The following RAD51 variants were observed in gnomAD, a reference collection of about 807,000 sequenced individuals.
The protein encoded by RAD51 is DNA repair protein RAD51 homolog 1.
Under a neutral mutation model 41.5 loss-of-function variants are expected in RAD51, and 14 were observed. That is an observed-to-expected ratio of 0.34 (90% CI 0.22 to 0.53). The LOEUF is 0.53. Ranked by LOEUF, RAD51 falls within the 20% of genes least tolerant of loss-of-function variation. The pLI is 0.95. For synonymous variants in RAD51, 136 were observed against 148.6 expected, an observed-to-expected ratio of 0.92 and a Z score of 0.62; for missense variants, 234 against 422.0, an observed-to-expected ratio of 0.55 and a Z score of 3.90.
intron 3 of RAD51, 145 bp downstream of exon 3, chr15:40,701,346 C>A: frequency 3.3e-5 from 23 of 693,098 alleles, no homozygotes; most frequent in Non-Finnish European, 4.7e-5. Flanking sequence ...TTCTTTTCTT[C>A]TTTTCTTTTC....
At chr15:40,712,744 T>C (rs1028108879) in intron 5 of RAD51, among the ~76,000 whole-genome samples, 4 of 152,166 alleles carry the variant, frequency 2.6e-5, no homozygotes, top group African/African-American at 9.7e-5. Flanking sequence ...ACTTCTGCCA[T>C]GGGCACAACT....
Position 40,695,263 on chromosome 15 carries a change from A to G in RAD51, c.-165A>G, listed in dbSNP as rs1894539745. The G allele has an allele frequency of 6.6e-6, 1 of 152,254 alleles. No individual in the cohort carries two copies. The highest frequency in any genetic ancestry group is 2.4e-5 in the African/African-American group (1 of 41,422). 9.4% of individuals were successfully genotyped at this position (152,254 alleles called of 1,614,324 possible). ...CGCTTCCCGAGGCGTGCAGCTGGGA[A>G]CTGCAACTCATCTGGGTTGTGCGCA... On this transcript the variant is annotated 5_prime_UTR_variant, in exon 1 of 10. Transcript: ENST00000267868.
chr15:40,731,725 T>G lies in RAD51; in HGVS notation c.*547T>G, dbSNP rs569462838. On this transcript the variant is annotated 3_prime_UTR_variant, in exon 10 of 10. Coordinates refer to ENST00000267868, the MANE Select transcript of RAD51 (RefSeq NM_002875.5). The stretch of plus-strand genomic sequence containing the variant: ...GCCAAACCTACTAGGCCATTAGCCC[T>G]TCACCATCTACCTGCTTGGTCTTTC... 4.4e-6 allele frequency: 1 copy of G among 225,984 alleles called. No homozygotes were observed. The highest frequency in any genetic ancestry group is 8.8e-6 in the Non-Finnish European group (1 of 113,094). The allele number at this position is 225,984 out of a possible 1,614,324, so 14.0% of individuals were successfully genotyped here.
At chr15:40,715,262 A>G (rs1895928584) in intron 5 of RAD51, among the ~76,000 whole-genome samples, 1 of 152,102 alleles carries the variant, frequency 6.6e-6, no homozygotes, top group Non-Finnish European at 1.5e-5. Context: ...AGGCTGAGGC[A>G]GAGAATTGCT....
At chr15:40,701,847 G>C (rs1895021625) in intron 3 of RAD51, 1 of 347,386 alleles carries the variant, frequency 2.9e-6, no homozygotes, top group Non-Finnish European at 5.5e-6. Flanking sequence ...GCAATAGCGT[G>C]ATCTTGGTCT....
Position 40,729,948 on chromosome 15 carries a change from T to C in RAD51, c.870T>C (p.Asn290=), listed in dbSNP as rs1334407917. The C allele has an allele frequency of 1.9e-6, 3 of 1,614,110 alleles. No individual in the cohort carries two copies. Among genetic ancestry groups the C allele is most frequent in the Admixed American group, 1.7e-5 (1 of 60,006 alleles). ...AADPKKPIGG[N]IIAHASTTRL... ...ATCCCAAAAAACCTATTGGAGGAAA[T>C]ATCATCGCCCATGCATCAACAACCA... Residue 290 remains asparagine (N), a synonymous_variant, in exon 9 of 10, where the codon AAT becomes AAC. Coordinates refer to ENST00000267868, the MANE Select transcript of RAD51 (RefSeq NM_002875.5).
intron 1 of RAD51, among the ~76,000 whole-genome samples, chr15:40,697,134 C>G (rs934775788): frequency 6.6e-6 from 1 of 152,086 alleles, no homozygotes; most frequent in East Asian, 1.9e-4. Flanking sequence ...GAGTTTGGCT[C>G]TTGTTGCCCA....
intron 6 of RAD51, among the ~76,000 whole-genome samples, chr15:40,728,373 C>T (rs760705643): frequency 6.6e-5 from 10 of 151,862 alleles, no homozygotes; most frequent in Admixed American, 1.3e-4. Context: ...AGGAGAATCG[C>T]GTGAACCCAG....
At chr15:40,711,902 C>T (rs1216013558) in intron 5 of RAD51, among the ~76,000 whole-genome samples, 1 of 151,788 alleles carries the variant, frequency 6.6e-6, no homozygotes, top group African/African-American at 2.4e-5. Context: ...TGGCAAGACC[C>T]TATCTCTACA....
At chr15:40,721,511 T>A (rs942966183) in intron 6 of RAD51, among the ~76,000 whole-genome samples, 6 of 152,252 alleles carry the variant, frequency 3.9e-5, no homozygotes, top group African/African-American at 9.6e-5. Context: ...TTTTAAAATT[T>A]AAAATTTTTT....
intron 4 of RAD51, among the ~76,000 whole-genome samples, chr15:40,707,636 A>G (rs1410643442): frequency 6.6e-6 from 1 of 151,918 alleles, no homozygotes; most frequent in Non-Finnish European, 1.5e-5. Context: ...TATCAGTGCT[A>G]TACTATCATT....
chr15:40,729,621 G>A lies in RAD51; in HGVS notation c.761G>A (p.Arg254Gln), dbSNP rs371150683. The A allele has an allele frequency of 1.9e-6, 3 of 1,613,872 alleles. No homozygotes were observed. The highest frequency in any genetic ancestry group is 1.7e-6 in the Non-Finnish European group (2 of 1,180,018). Residue 254 changes from arginine to glutamine, a missense_variant, in exon 8 of 10, where the codon CGA (arginine) becomes CAA (glutamine). By Grantham distance (43) the Arg-to-Gln change is conservative (BLOSUM62 1). Around this residue, in one of 2 missense-constraint regions of RAD51, gnomAD observed 134 missense variants for 286.5 expected, o/e 0.47. Coordinates refer to ENST00000267868, the MANE Select transcript of RAD51 (RefSeq NM_002875.5). ...HLARFLRMLL[R>Q]LADEFGVAVV... ...GCCAGGTTTCTGCGGATGCTTCTGCGACTCGCTGATGAGGTAAGTTGTGGG... is the reference window on the plus strand; with the variant it reads ...GCCAGGTTTCTGCGGATGCTTCTGCAACTCGCTGATGAGGTAAGTTGTGGG...
chr15:40,718,516 GAAAAAA>G (rs57006094), intron 5 of RAD51, among the ~76,000 whole-genome samples: 1 of 138,164 alleles, frequency 7.2e-6, no homozygotes. Flanking sequence ...ACTATCGCAA[GAAAAAA>G]AAAAAAAAGA....
intron 6 of RAD51, among the ~76,000 whole-genome samples, chr15:40,724,940 C>T (rs1312086754): frequency 1.6e-4 from 22 of 134,862 alleles, no homozygotes; most frequent in Non-Finnish European, 3.3e-4. Flanking sequence ...TCGCCCAGGC[C>T]GGACTGCGGA....
chr15:40,719,531 C>T (rs1342573575), intron 6 of RAD51, among the ~76,000 whole-genome samples: 2 of 152,088 alleles, frequency 1.3e-5, no homozygotes, highest in Non-Finnish European at 2.9e-5. Flanking sequence ...AGACAAAGTA[C>T]ACTTTAAGGC....
rs527851979 is a variant in RAD51 at position 40,708,770 on chromosome 15, C to T, written c.344-255C>T. Among the ~76,000 whole-genome samples the T allele has an allele frequency of 7.9e-5, 12 of 152,068 alleles. 1 individual carries two copies. The highest frequency in any genetic ancestry group is 2.9e-4 in the African/African-American group (12 of 41,464). On this transcript the variant is annotated intron_variant, in intron 4 of 9. Coordinates refer to ENST00000267868, the MANE Select transcript of RAD51 (RefSeq NM_002875.5). ...GCTAATTTTTGTAGAGACAGGGCTTCACCATGTTGCCCAGGCTGGTCTCGA... is the reference window on the plus strand; with the variant it reads ...GCTAATTTTTGTAGAGACAGGGCTTTACCATGTTGCCCAGGCTGGTCTCGA...
upstream of RAD51, chr15:40,694,892 G>T (rs556748119): frequency 6.6e-6 from 1 of 152,166 alleles, no homozygotes; most frequent in Non-Finnish European, 1.5e-5. Flanking sequence ...GAGTAGGGGC[G>T]TTGCCGTGGT....
chr15:40,716,229 G>A (rs1363641337), intron 5 of RAD51, among the ~76,000 whole-genome samples: 1 of 152,064 alleles, frequency 6.6e-6, no homozygotes, highest in Non-Finnish European at 1.5e-5. Context: ...TACAGAAAAG[G>A]AAACAATATT....
intron 1 of RAD51, among the ~76,000 whole-genome samples, chr15:40,697,312 C>G (rs147810320): frequency 5.3e-5 from 8 of 152,188 alleles, no homozygotes; most frequent in Non-Finnish European, 1.2e-4. Flanking sequence ...CCATGTTGGT[C>G]AGGCTGGTCT....
Sources: allele counts gnomAD v4.1 joint callset (sites outside exome capture counted in the v4.1 genomes callset), GRCh38; gene constraint gnomAD v4.1.1; regional missense constraint gnomAD v4.1.1; transcripts MANE v1.5; gene names NCBI Gene and HGNC (gene_info 2026-07-23, HGNC 2026-07-21).